CCSER1: variants seen among roughly 807,000 people sequenced by gnomAD.
CCSER1 encodes coiled-coil serine rich protein 1, also known as serine-rich coiled-coil domain-containing protein 1.
CCSER1 carries 41 observed loss-of-function variants against 82.0 expected under a neutral mutation model. The observed-to-expected ratio is 0.50, with a 90% CI of 0.39 to 0.65. The LOEUF (loss-of-function observed/expected upper bound fraction) is 0.65, where lower values mean the gene tolerates loss of function less well. CCSER1 is among the 30% of genes least tolerant of loss of function. The pLI, the probability that CCSER1 is intolerant of heterozygous loss-of-function variation, is 0.00. For missense variants in CCSER1, 1,119 were observed against 1,064.2 expected, an observed-to-expected ratio of 1.05 and a Z score of -0.72; for synonymous variants, 414 against 383.9, an observed-to-expected ratio of 1.08 and a Z score of -0.92.
intron 1 of CCSER1, among the ~76,000 whole-genome samples, chr4:90,167,955 A>G (rs1020866316): frequency 2.0e-5 from 3 of 152,096 alleles, no homozygotes; most frequent in Non-Finnish European, 4.4e-5. Context: ...GTGTCTTTAT[A>G]GCAGCATGAT....
At chr4:91,322,390 T>C (rs1746259769) in intron 10 of CCSER1, among the ~76,000 whole-genome samples, 2 of 152,040 alleles carry the variant, frequency 1.3e-5, no homozygotes, top group South Asian at 2.1e-4. Context: ...TTTAAGTTGA[T>C]GTCCAAGTGT....
chr4:90,347,440 T>A, intron 3 of CCSER1, among the ~76,000 whole-genome samples: 1 of 152,178 alleles, frequency 6.6e-6, no homozygotes, highest in Non-Finnish European at 1.5e-5. Context: ...TGGTTTCACT[T>A]TTGGCAGGTG....
intron 9 of CCSER1, among the ~76,000 whole-genome samples, chr4:90,949,405 C>T (rs1459828238): frequency 6.6e-6 from 1 of 151,800 alleles, no homozygotes; most frequent in Admixed American, 6.6e-5. Context: ...ACTGGTAAAA[C>T]ATATTAAACT....
At chr4:90,637,898 T>A (rs1725721087) in intron 6 of CCSER1, among the ~76,000 whole-genome samples, 1 of 152,168 alleles carries the variant, frequency 6.6e-6, no homozygotes, top group South Asian at 2.1e-4. Context: ...CTTTTCATTT[T>A]ACTCTTTGTC....
intron 5 of CCSER1, among the ~76,000 whole-genome samples, chr4:90,493,234 A>C (rs1391384351): frequency 2.0e-5 from 3 of 152,194 alleles, no homozygotes; most frequent in African/African-American, 7.2e-5. Flanking sequence ...AAAAGAAATG[A>C]ACAAAGCCTC....
At chr4:91,556,732 A>G (rs912990788) in intron 10 of CCSER1, among the ~76,000 whole-genome samples, 2 of 151,064 alleles carry the variant, frequency 1.3e-5, no homozygotes, top group Non-Finnish European at 3.0e-5. Flanking sequence ...ACTTTCATTT[A>G]TTTTTAGCAG....
intron 7 of CCSER1, among the ~76,000 whole-genome samples, chr4:90,771,634 C>G (rs996859571): frequency 3.4e-5 from 5 of 147,472 alleles, no homozygotes; most frequent in Admixed American, 2.0e-4. Flanking sequence ...ATTTTTATTA[C>G]AAACAACTTT....
chr4:91,177,876 C>A (rs7697321), intron 10 of CCSER1, among the ~76,000 whole-genome samples: 11 of 152,064 alleles, frequency 7.2e-5, no homozygotes, highest in African/African-American at 2.7e-4. Context: ...TTTGCTCTTG[C>A]TTCTCTAGTT....
At chr4:91,499,183 C>A (rs1759079900) in intron 10 of CCSER1, among the ~76,000 whole-genome samples, 1 of 151,928 alleles carries the variant, frequency 6.6e-6, no homozygotes, top group Non-Finnish European at 1.5e-5. Flanking sequence ...ACTACATTTT[C>A]ATTTAGGGAA....
intron 5 of CCSER1, among the ~76,000 whole-genome samples, chr4:90,612,858 TAC>T (rs940004953): frequency 7.2e-5 from 11 of 152,290 alleles, no homozygotes; most frequent in African/African-American, 2.6e-4. Context: ...CTGGATTAAT[TAC>T]CTAAGAAGGG....
At chr4:91,166,840 AT>A (rs2148992045) in intron 10 of CCSER1, among the ~76,000 whole-genome samples, 1 of 152,268 alleles carries the variant, frequency 6.6e-6, no homozygotes, top group South Asian at 2.1e-4. Context: ...TTCTCACTTC[AT>A]TCTACTGGGC....
intron 10 of CCSER1, among the ~76,000 whole-genome samples, chr4:91,203,303 ATTT>A (rs532500794): frequency 6.6e-5 from 10 of 151,704 alleles, no homozygotes. Flanking sequence ...ATAAGGAAAG[ATTT>A]TTTTTCAAAG....
At chr4:90,581,683 G>T (rs1457025983) in intron 5 of CCSER1, among the ~76,000 whole-genome samples, 2 of 152,108 alleles carry the variant, frequency 1.3e-5, no homozygotes, top group African/African-American at 4.8e-5. Context: ...TGCTCTCCGT[G>T]TGACTCTGAT....
intron 3 of CCSER1, among the ~76,000 whole-genome samples, chr4:90,385,583 C>A (rs2153534561): frequency 6.6e-6 from 1 of 151,452 alleles, no homozygotes; most frequent in East Asian, 2.0e-4. Flanking sequence ...CCTCAGCCTC[C>A]CGAGTAGCTA....
chr4:90,830,732 G>A (rs1026242972), intron 8 of CCSER1, among the ~76,000 whole-genome samples: 1 of 152,082 alleles, frequency 6.6e-6, no homozygotes, highest in Non-Finnish European at 1.5e-5. Context: ...CCAAAGATTT[G>A]AGGCAGCCAA....
intron 10 of CCSER1, among the ~76,000 whole-genome samples, chr4:91,364,163 T>C (rs1487431100): frequency 6.6e-6 from 1 of 152,076 alleles, no homozygotes. Context: ...ATAATTATAC[T>C]TTGATTTATT....
chr4:91,153,887 G>T (rs1014875803), intron 10 of CCSER1, among the ~76,000 whole-genome samples: 3 of 151,930 alleles, frequency 2.0e-5, no homozygotes, highest in African/African-American at 4.8e-5. Flanking sequence ...TCTCAGAGGG[G>T]CCCCCGGCTG....
At chr4:91,522,857 C>A (rs112754946) in intron 10 of CCSER1, among the ~76,000 whole-genome samples, 106 of 152,184 alleles carry the variant, frequency 7.0e-4, no homozygotes, top group African/African-American at 2.4e-3. Context: ...TAGTTGAATA[C>A]CTTTTATTTC....
chr4:90,500,748 A>G (rs1055326915), intron 5 of CCSER1, among the ~76,000 whole-genome samples: 2 of 152,134 alleles, frequency 1.3e-5, no homozygotes, highest in African/African-American at 4.8e-5. Flanking sequence ...AAACAAATAA[A>G]TTAATATTTT....
Sources: gnomAD v4.1 joint callset for allele counts (sites outside exome capture counted in the v4.1 genomes callset) on GRCh38, gnomAD v4.1.1 for gene constraint, MANE v1.5 for transcripts, NCBI Gene and HGNC (gene_info 2026-07-23, HGNC 2026-07-21) for gene names.